NANOGNB: variants seen among roughly 807,000 people sequenced by gnomAD.
NANOGNB encodes homeobox C14.
Under a neutral mutation model 25.0 loss-of-function variants are expected in NANOGNB, and 30 were observed. The ratio of observed to expected loss-of-function variants is 1.20; its 90% CI spans 0.90 to 1.63. NANOGNB has a LOEUF of 1.63. Ranked by LOEUF, NANOGNB falls within the 40% of genes most tolerant of loss-of-function variation. The pLI is 0.00. For missense variants in NANOGNB, 200 were observed against 188.1 expected (o/e 1.06, Z -0.37); for synonymous variants, 84 against 62.1 (o/e 1.35, Z -1.66).
At chr12:7,769,235 C>G (rs1484693304) in intron 1 of NANOGNB, among the ~76,000 whole-genome samples, 1 of 152,142 alleles carries the variant, frequency 6.6e-6, no homozygotes, top group East Asian at 1.9e-4. Context: ...TATCGGCTTA[C>G]TGCAACCTCC....
At chr12:7,767,136 T>C (rs1865253137) in intron 1 of NANOGNB, among the ~76,000 whole-genome samples, 1 of 152,192 alleles carries the variant, frequency 6.6e-6, no homozygotes, top group African/African-American at 2.4e-5. Context: ...CCACCGTGCC[T>C]GGCAGCCATT....
At chr12:7,769,719 G>C (rs977329410) in intron 1 of NANOGNB, among the ~76,000 whole-genome samples, 2 of 151,814 alleles carry the variant, frequency 1.3e-5, no homozygotes, top group African/African-American at 4.8e-5. Flanking sequence ...GTAGAGACGG[G>C]GTTTCACCAT....
chr12:7,770,192 C>G lies in NANOGNB; in HGVS notation c.312C>G (p.Pro104=). The change falls in exon 2 of 4, where the codon CCC becomes CCG. Residue 104 remains proline (P), a synonymous_variant. Coordinates refer to ENST00000382119, the MANE Select transcript of NANOGNB (RefSeq NM_001145465.1). ...KRENEKQKQY[P]EKRLVSKSLM... ...AAAATGAGAAACAGAAACAGTATCC[C>G]GAGAAAAGATTAGTCAGCAAATCCC... is the stretch of plus-strand genomic sequence containing the variant. The G allele has an allele frequency of 6.4e-7, 1 of 1,551,760 alleles. No homozygotes were observed. Among genetic ancestry groups the G allele is most frequent in the Non-Finnish European group, 8.7e-7 (1 of 1,146,970 alleles).
At chr12:7,765,727 G>A (rs1865240102) in intron 1 of NANOGNB, among the ~76,000 whole-genome samples, 1 of 152,044 alleles carries the variant, frequency 6.6e-6, no homozygotes, top group African/African-American at 2.4e-5. Flanking sequence ...GATGGAGTTG[G>A]CTTTACTAAG....
rs767321679 is a variant in NANOGNB at position 7,770,203 on chromosome 12, T to A, written c.323T>A (p.Leu108Ter). Residue 108 changes from leucine (L) to a stop codon, truncating the protein, a stop_gained, in exon 2 of 4, where the codon TTA becomes TAA. Transcript: ENST00000382119. LOFTEE classifies it high-confidence loss of function. ...EKQKQYPEKRLVSKSLMHTLW... is the reference protein window; with the variant it reads ...EKQKQYPEKR ...CAGAAACAGTATCCCGAGAAAAGAT[T>A]AGTCAGCAAATCCCTCATGCATACT... The A allele has an allele frequency of 1.6e-5, 25 of 1,551,830 alleles. No individual in the cohort carries two copies. The highest frequency in any genetic ancestry group is 2.0e-5 in the Non-Finnish European group (23 of 1,147,040).
chr12:7,771,226 T>C (rs990574554), intron 3 of NANOGNB, among the ~76,000 whole-genome samples: 30 of 152,284 alleles, frequency 2.0e-4, no homozygotes, highest in African/African-American at 7.2e-4. Context: ...TGTTTGTTTG[T>C]TTGCTTGTTT....
At chr12:7,773,570 A>AAAAAAAAAAAAC (rs1229225253) in intron 3 of NANOGNB, among the ~76,000 whole-genome samples, 1 of 140,176 alleles carries the variant, frequency 7.1e-6, no homozygotes, top group African/African-American at 2.6e-5. Context: ...AAAAAAAAAA[A>AAAAAAAAAAAAC]AAAAAAAAAG....
intron 3 of NANOGNB, among the ~76,000 whole-genome samples, chr12:7,772,606 CAG>C (rs1166873259): frequency 4.5e-4 from 52 of 114,594 alleles, no homozygotes; most frequent in Admixed American, 8.2e-4. Context: ...TAATTTGAGA[CAG>C]AGTCTTGCTC....
intron 1 of NANOGNB, among the ~76,000 whole-genome samples, chr12:7,766,886 G>A (rs775652752): frequency 2.6e-5 from 4 of 152,132 alleles, no homozygotes; most frequent in Non-Finnish European, 5.9e-5. Context: ...TGTTGCCCAG[G>A]CTGGAGCACA....
chr12:7,773,827 G>A lies in NANOGNB; in HGVS notation c.543G>A (p.Trp181Ter), dbSNP rs1448531706. 1.1e-5 allele frequency: 7 copies of A among 633,658 alleles called. No individual in the cohort carries two copies. The African/African-American group carries it at 1.4e-4, about 13-fold the overall frequency. 39.3% of individuals were successfully genotyped at this position (633,658 alleles called of 1,614,324 possible). A position where few individuals can be genotyped will look rare whatever the true frequency, so the allele number is the denominator to read the frequency against. Residue 181 changes from tryptophan to a stop codon, truncating the protein, a stop_gained, in exon 4 of 4, where the codon TGG (tryptophan) becomes TGA (stop). Transcript: ENST00000382119. LOFTEE classifies it high-confidence loss of function. Reference protein sequence around the residue: ...MRWRSLCCQGWSRTPALK With the variant: ...MRWRSLCCQG ...GGAGATCTCTGTGTTGCCAAGGCTG[G>A]TCTCGAACTCCTGCCCTCAAGTGAT...
chr12:7,766,900 G>A (rs959730123), intron 1 of NANOGNB, among the ~76,000 whole-genome samples: 4 of 152,168 alleles, frequency 2.6e-5, no homozygotes, highest in Admixed American at 6.5e-5. Flanking sequence ...GAGCACAGTG[G>A]GGCGATCTCA....
Position 7,769,981 on chromosome 12 carries a change from A to G in NANOGNB, c.103-2A>G. 1 of 1,496,028 alleles carries G rather than the reference A, an allele frequency of 6.7e-7. No homozygotes were observed. The highest frequency in any genetic ancestry group is 8.9e-7 in the Non-Finnish European group (1 of 1,127,152). 92.7% of individuals were successfully genotyped at this position (1,496,028 alleles called of 1,614,324 possible). On this transcript the variant is annotated splice_acceptor_variant, in intron 1 of 3. Coordinates refer to ENST00000382119, the MANE Select transcript of NANOGNB (RefSeq NM_001145465.1). LOFTEE classifies it high-confidence loss of function. ...TTTTATTCCACGGATCTTTTTATACAGAAACAATCAGCTATGCCTTGGGAT... is the reference window on the plus strand; with the variant it reads ...TTTTATTCCACGGATCTTTTTATACGGAAACAATCAGCTATGCCTTGGGAT...
intron 1 of NANOGNB, among the ~76,000 whole-genome samples, chr12:7,769,376 G>T (rs1378840285): frequency 6.6e-6 from 1 of 150,380 alleles, no homozygotes; most frequent in Non-Finnish European, 1.5e-5. Context: ...AGGCTGGAGT[G>T]CAGTGGTGCA....
chr12:7,773,544 T>TAAAAAA (rs1358984559), intron 3 of NANOGNB, among the ~76,000 whole-genome samples: 1 of 6,262 alleles, frequency 1.6e-4, no homozygotes, highest in East Asian at 3.4e-3. Context: ...CTACTAAAAA[T>TAAAAAA]ACAAAAAAAA....
intron 1 of NANOGNB, among the ~76,000 whole-genome samples, chr12:7,768,397 A>T (rs1865263172): frequency 6.6e-6 from 1 of 152,018 alleles, no homozygotes; most frequent in South Asian, 2.1e-4. Context: ...ATAGTTTTTT[A>T]GGGGTGATAT....
chr12:7,765,864 G>C (rs7975939), intron 1 of NANOGNB, among the ~76,000 whole-genome samples: 147,204 of 152,096 alleles, frequency 0.97, 71,403 homozygotes, highest in East Asian at 1. Flanking sequence ...GTTTGACATA[G>C]AAGACTGGAA....
intron 1 of NANOGNB, among the ~76,000 whole-genome samples, chr12:7,767,880 T>A (rs1314369883): frequency 1.3e-5 from 2 of 151,638 alleles, no homozygotes; most frequent in African/African-American, 4.8e-5. Flanking sequence ...TCTCACCTCA[T>A]TTTTTTATTT....
chr12:7,770,294 A>G lies in NANOGNB; in HGVS notation c.414A>G (p.Glu138=). 1 of 1,531,192 alleles carries G rather than the reference A, an allele frequency of 6.5e-7. No individual in the cohort carries two copies. The highest frequency in any genetic ancestry group is 8.8e-7 in the Non-Finnish European group (1 of 1,141,040). 94.9% of individuals were successfully genotyped at this position (1,531,192 alleles called of 1,614,324 possible). A position where few individuals can be genotyped will look rare whatever the true frequency, so the allele number is the denominator to read the frequency against. The change falls in exon 2 of 4, where the codon GAA becomes GAG. Residue 138 remains glutamate, a synonymous_variant. Transcript: ENST00000382119. The part of the protein sequence containing the change: ...TIQESLSLSF[E]FDMTHKQISQ... Reference sequence around the variant, plus strand: ...AAGAGAGTCTATCACTGTCATTTGAATTTGACATGACACATAAACAGGTAT... The same window carrying G: ...AAGAGAGTCTATCACTGTCATTTGAGTTTGACATGACACATAAACAGGTAT...
chr12:7,770,299 A>G lies in NANOGNB; in HGVS notation c.419A>G (p.Asp140Gly), dbSNP rs1301512948. The part of the protein sequence containing the change: ...QESLSLSFEF[D>G]MTHKQISQWF... ...AGTCTATCACTGTCATTTGAATTTG[A>G]CATGACACATAAACAGGTATGACAA... The change falls in exon 2 of 4, where the codon GAC becomes GGC. Residue 140 changes from aspartate to glycine, a missense_variant. By Grantham distance (94) the Asp-to-Gly change is moderately conservative. Transcript: ENST00000382119. 6.5e-7 allele frequency: 1 copy of G among 1,531,836 alleles called. No homozygotes were observed. The highest frequency in any genetic ancestry group is 2.4e-5 in the East Asian group (1 of 40,830). 94.9% of individuals were successfully genotyped at this position (1,531,836 alleles called of 1,614,324 possible).
Sources: gnomAD v4.1 joint callset for allele counts (sites outside exome capture counted in the v4.1 genomes callset) on GRCh38, gnomAD v4.1.1 for gene constraint, MANE v1.5 for transcripts, NCBI Gene and HGNC (gene_info 2026-07-23, HGNC 2026-07-21) for gene names.